PLCB1: variants seen among roughly 807,000 people sequenced by gnomAD.
PLCB1 encodes phospholipase C beta 1.
Under a neutral mutation model 161.8 loss-of-function variants are expected in PLCB1, and 46 were observed. That is an observed-to-expected ratio of 0.28 (90% confidence interval 0.22 to 0.36). PLCB1 has a LOEUF of 0.36. Among genes scored for constraint, PLCB1 ranks in the 10% least tolerant of loss-of-function variants. The pLI is 1.00. For missense variants in PLCB1, 1,016 were observed against 1,472.5 expected (o/e 0.69, Z 5.07); for synonymous variants, 517 against 503.7 (o/e 1.03, Z -0.35).
chr20:8,635,973 G>A (rs1018427467), intron 4 of PLCB1, among the ~76,000 whole-genome samples: 5 of 152,082 alleles, frequency 3.3e-5, no homozygotes, highest in Admixed American at 2.0e-4. Flanking sequence ...AAACACTTGC[G>A]TATATTCTGT....
chr20:8,381,122 T>C (rs1338565828), intron 3 of PLCB1, among the ~76,000 whole-genome samples: 1 of 152,236 alleles, frequency 6.6e-6, no homozygotes, highest in East Asian at 1.9e-4. Context: ...GCTCTATCAA[T>C]GCCTAGTTTA....
chr20:8,144,872 G>T (rs1027852597), intron 1 of PLCB1, among the ~76,000 whole-genome samples: 8 of 152,164 alleles, frequency 5.3e-5, no homozygotes, highest in African/African-American at 1.9e-4. Context: ...AGACGTGCAT[G>T]CCTCTATTCA....
intron 23 of PLCB1, among the ~76,000 whole-genome samples, chr20:8,756,283 A>G (rs962704028): frequency 2.0e-5 from 3 of 152,228 alleles, no homozygotes; most frequent in African/African-American, 7.2e-5. Context: ...ACCTGTCTTC[A>G]TCTATAAGGA....
At chr20:8,362,911 T>C (rs1414782088) in intron 2 of PLCB1, among the ~76,000 whole-genome samples, 1 of 152,214 alleles carries the variant, frequency 6.6e-6, no homozygotes, top group Non-Finnish European at 1.5e-5. Context: ...GATTACTTTT[T>C]CTATTATGTA....
intron 2 of PLCB1, among the ~76,000 whole-genome samples, chr20:8,242,333 G>A (rs1201701492): frequency 6.6e-6 from 1 of 151,942 alleles, no homozygotes; most frequent in Non-Finnish European, 1.5e-5. Flanking sequence ...TGAGGATAAT[G>A]CTTTCAGATT....
At chr20:8,448,273 A>G (rs1980924660) in intron 3 of PLCB1, among the ~76,000 whole-genome samples, 1 of 152,026 alleles carries the variant, frequency 6.6e-6, no homozygotes, top group East Asian at 1.9e-4. Flanking sequence ...AGGTATCCTC[A>G]CTCTAATTGA....
At chr20:8,758,641 GAAGTA>G (rs1981861843) in intron 24 of PLCB1, among the ~76,000 whole-genome samples, 1 of 151,852 alleles carries the variant, frequency 6.6e-6, no homozygotes. Flanking sequence ...TTATAAACAA[GAAGTA>G]AATTTTCAAA....
At chr20:8,533,419 G>A (rs1229565300) in intron 3 of PLCB1, among the ~76,000 whole-genome samples, 3 of 151,838 alleles carry the variant, frequency 2.0e-5, no homozygotes, top group African/African-American at 7.3e-5. Context: ...TCTAGTTCTA[G>A]ATCCCTGAGA....
rs1600261788 is a variant in PLCB1 at position 8,249,987 on chromosome 20, G to A, written c.177+99616G>A. ...ACTGAGGCTCAAGCCTGTTGCCAGA[G>A]ATTTACTGTCATTGTTTTAGGTGCA... On this transcript the variant is annotated intron_variant, in intron 2 of 31. Transcript: ENST00000338037. 2.0e-5 allele frequency among the ~76,000 whole-genome samples: 3 copies of A among 151,932 alleles called. No individual in the cohort carries two copies. In the South Asian group the frequency reaches 6.2e-4, roughly 31 times the overall value.
At chr20:8,750,695 A>G (rs1981411116) in intron 23 of PLCB1, 6 of 407,760 alleles carry the variant, frequency 1.5e-5, no homozygotes, top group South Asian at 1.0e-4. Flanking sequence ...ATTTCATTCA[A>G]CTAATAGAAA....
At chr20:8,228,394 C>T (rs1979817949) in intron 2 of PLCB1, among the ~76,000 whole-genome samples, 1 of 152,096 alleles carries the variant, frequency 6.6e-6, no homozygotes, top group Non-Finnish European at 1.5e-5. Flanking sequence ...TGTTCCTTGC[C>T]ATCCACCTAT....
intron 7 of PLCB1, among the ~76,000 whole-genome samples, chr20:8,650,813 A>G (rs755242781): frequency 4.6e-5 from 7 of 151,704 alleles, no homozygotes; most frequent in Non-Finnish European, 1.0e-4. Flanking sequence ...ATATATTTAC[A>G]TACTTTACAG....
chr20:8,458,494 C>T (rs1239776015), intron 3 of PLCB1, among the ~76,000 whole-genome samples: 1 of 152,010 alleles, frequency 6.6e-6, no homozygotes, highest in Non-Finnish European at 1.5e-5. Flanking sequence ...AGGAAGCTTC[C>T]CCATAGGCCT....
At chr20:8,406,047 A>G (rs2122493187) in intron 3 of PLCB1, among the ~76,000 whole-genome samples, 1 of 151,234 alleles carries the variant, frequency 6.6e-6, no homozygotes, top group South Asian at 2.1e-4. Context: ...GTTAACATTT[A>G]CCAGCCCATC....
chr20:8,536,304 T>A (rs1985048160), intron 3 of PLCB1, among the ~76,000 whole-genome samples: 1 of 152,182 alleles, frequency 6.6e-6, no homozygotes, highest in South Asian at 2.1e-4. Context: ...AACCACCATG[T>A]TAGGCGCCGG....
intron 3 of PLCB1, among the ~76,000 whole-genome samples, chr20:8,463,146 AGTGTGTGT>A (rs11472638): frequency 5.0e-4 from 73 of 144,772 alleles, no homozygotes; most frequent in Admixed American, 7.6e-4. Context: ...AGTACAGAGC[AGTGTGTGT>A]GTGTGTGTGT....
chr20:8,209,002 A>T (rs1247234874), intron 2 of PLCB1, among the ~76,000 whole-genome samples: 1 of 152,112 alleles, frequency 6.6e-6, no homozygotes, highest in Non-Finnish European at 1.5e-5. Context: ...TCAAGATGGT[A>T]TTAATGTGTT....
chr20:8,385,498 A>G (rs1448497411), intron 3 of PLCB1, among the ~76,000 whole-genome samples: 2 of 152,196 alleles, frequency 1.3e-5, no homozygotes, highest in Non-Finnish European at 2.9e-5. Context: ...TCCTCCAAGG[A>G]GTTCAAATGG....
chr20:8,772,937 AGAAAG>A (rs1349794343), intron 26 of PLCB1, among the ~76,000 whole-genome samples: 1 of 152,328 alleles, frequency 6.6e-6, no homozygotes, highest in South Asian at 2.1e-4. Flanking sequence ...TCTCAAAAAA[AGAAAG>A]AAAAGAAAAG....
Sources: allele counts gnomAD v4.1 joint callset (sites outside exome capture counted in the v4.1 genomes callset), GRCh38; gene constraint gnomAD v4.1.1; transcripts MANE v1.5; gene names NCBI Gene and HGNC (gene_info 2026-07-23, HGNC 2026-07-21).